The following ALKBH6 variants were observed in gnomAD, a reference collection of about 807,000 sequenced individuals.
ALKBH6 encodes the protein alkB homolog 6, nucleotide demethylase.
A neutral mutation model predicts 25.1 loss-of-function variants in ALKBH6; 20 were observed. The observed-to-expected ratio is 0.80, with a 90% CI of 0.56 to 1.16. The LOEUF is 1.16. Among genes scored for constraint, ALKBH6 ranks in the 50% most tolerant of loss-of-function variants. ALKBH6 has a pLI of 0.00. For missense variants in ALKBH6, 263 were observed against 326.5 expected (o/e 0.81, Z 1.50); for synonymous variants, 156 against 147.5 (o/e 1.06, Z -0.42).
At chr19:36,011,361 C>T (rs1196883176) in intron 4 of ALKBH6, 43 bp downstream of exon 4, 1 of 1,605,618 alleles carries the variant, frequency 6.2e-7, no homozygotes, top group Admixed American at 1.7e-5. Flanking sequence ...CTGCCCCAGC[C>T]TACATCCCAG....
intron 6 of ALKBH6, 52 bp from the exon 7 acceptor site, chr19:36,009,605 T>TGGGCTCATGATGGGGGGGGGGGGGGGG: frequency 7.6e-6 from 1 of 132,198 alleles, no homozygotes; most frequent in Non-Finnish European, 1.2e-5. Context: ...GGGGTGGGGG[T>TGGGCTCATGATGGGGGGGGGGGGGGGG]GGGCGAGAGG....
Position 36,009,477 on chromosome 19 carries a change from T to A in ALKBH6, c.530A>T (p.Tyr177Phe). 2 of 1,248,434 alleles carry A rather than the reference T, an allele frequency of 1.6e-6. No homozygotes were observed. Among genetic ancestry groups the A allele is most frequent in the Non-Finnish European group, 2.0e-6 (2 of 998,422 alleles). 77.3% of individuals were successfully genotyped at this position (1,248,434 alleles called of 1,614,324 possible). Residue 177 changes from tyrosine (Y) to phenylalanine (F), a missense_variant, in exon 7 of 7, where the codon TAC (tyrosine) becomes TTC (phenylalanine). Tyr to Phe is a conservative substitution (Grantham distance 22, BLOSUM62 3). Around this residue, in one of 3 missense-constraint regions of ALKBH6, gnomAD observed 148 missense variants for 157.5 expected, o/e 0.94. Coordinates refer to ENST00000378875, the MANE Select transcript of ALKBH6 (RefSeq NM_032878.5). ...RSLLVLRGPA[Y>F]TRLLHGIAAA... The stretch of plus-strand genomic sequence containing the variant: ...GGCGATGCCGTGGAGAAGACGCGTG[T>A]AGGCGGGGCCGCGGAGCACCAGCAG...
Position 36,010,346 on chromosome 19 carries a change from G to A in ALKBH6, c.453+221C>T, listed in dbSNP as rs1356913999. Reference sequence around the variant, plus strand: ...CAGGGGTATCCATTCAGCAGGTTGGGGCATCGGGGAGCCTGTGAAAATCAT... The same window carrying A: ...CAGGGGTATCCATTCAGCAGGTTGGAGCATCGGGGAGCCTGTGAAAATCAT... On this transcript the variant is annotated intron_variant, in intron 6 of 6. Transcript: ENST00000378875. This position sits in a 1 kb window ranked among gnomAD's most constrained non-coding sequence, Gnocchi z 5.5. The A allele has an allele frequency of 3.4e-6, 2 of 580,474 alleles. No individual in the cohort carries two copies. Among genetic ancestry groups the A allele is most frequent in the African/African-American group, 3.7e-5 (2 of 53,656 alleles). 36.0% of individuals were successfully genotyped at this position (580,474 alleles called of 1,614,324 possible). A position where few individuals can be genotyped will look rare whatever the true frequency, so the allele number is the denominator to read the frequency against.
chr19:36,011,524 C>G, intron 3 of ALKBH6, 60 bp from the exon 4 acceptor site: 3 of 1,579,286 alleles, frequency 1.9e-6, no homozygotes, highest in Non-Finnish European at 2.6e-6. Context: ...ATCCTCCCAC[C>G]TAGACCAACA....
At position 36,013,273 on chromosome 19, in the gene ALKBH6, G is replaced by A. The variant is rs2073895; in HGVS notation, c.54+71C>T. ...CAGTAAGAATGAATTTGGTGGAAGG[G>A]GGCAGTCCCAACCCAAGAACTCAGG... On this transcript the variant is annotated intron_variant, in intron 2 of 6. Transcript: ENST00000378875. The surrounding 1 kb of genome is among the most constrained non-coding windows in gnomAD (Gnocchi z 4.6). The A allele has an allele frequency of 0.017, 26,186 of 1,578,396 alleles. 1,451 individuals carry two copies. The East Asian group carries it at 0.17, about 10-fold the overall frequency.
intron 1 of ALKBH6, 52 bp downstream of exon 1, chr19:36,014,123 C>A (rs1968711432): frequency 6.2e-7 from 1 of 1,607,680 alleles, no homozygotes; most frequent in Admixed American, 1.7e-5. Flanking sequence ...CGGATCCCCA[C>A]TTTCAGCCCT....
intron 1 of ALKBH6, 32 bp downstream of exon 1, chr19:36,014,143 C>A: frequency 6.2e-7 from 1 of 1,610,938 alleles, no homozygotes; most frequent in South Asian, 1.1e-5. Context: ...TATTGACATC[C>A]ATCTCTACCC....
chr19:36,013,708 C>T lies in ALKBH6; in HGVS notation c.-25-286G>A. On this transcript the variant is annotated intron_variant, in intron 1 of 6. Coordinates refer to ENST00000378875, the MANE Select transcript of ALKBH6 (RefSeq NM_032878.5). The surrounding 1 kb of genome is among the most constrained non-coding windows in gnomAD (Gnocchi z 4.6). ...TCCTCCCACAGAGAACATTCTCTGG[C>T]CCCACACACAGGGAGCCTTTCTCAA... 7.7e-7 allele frequency: 1 copy of T among 1,302,048 alleles called. No individual in the cohort carries two copies. Among genetic ancestry groups the T allele is most frequent in the African/African-American group, 1.5e-5 (1 of 66,300 alleles). 80.7% of individuals were successfully genotyped at this position (1,302,048 alleles called of 1,614,324 possible).
At chr19:36,012,875 C>T (rs1968651082) in intron 3 of ALKBH6, 146 bp downstream of exon 3, 6 of 778,290 alleles carry the variant, frequency 7.7e-6, no homozygotes, top group Non-Finnish European at 1.3e-5. Context: ...TGGGCTATCT[C>T]AGTAGAGGGA....
rs936764945 is a variant in ALKBH6 at position 36,010,374 on chromosome 19, C to T, written c.453+193G>A. On this transcript the variant is annotated intron_variant, in intron 6 of 6. Coordinates refer to ENST00000378875, the MANE Select transcript of ALKBH6 (RefSeq NM_032878.5). The surrounding 1 kb of genome is among the most constrained non-coding windows in gnomAD (Gnocchi z 5.5). ...ATCGGGGAGCCTGTGAAAATCATGG[C>T]ATGTGGGACAGACACCCTGTAAGCA... 6.3e-6 allele frequency: 4 copies of T among 631,032 alleles called. No homozygotes were observed. Among genetic ancestry groups the T allele is most frequent in the African/African-American group, 5.5e-5 (3 of 54,948 alleles). The allele number at this position is 631,032 out of a possible 1,614,324, so 39.1% of individuals were successfully genotyped here.
chr19:36,009,334 G>T lies in ALKBH6; in HGVS notation c.673C>A (p.Arg225Ser). The change falls in exon 7 of 7, where the codon CGC (arginine) becomes AGC (serine). Residue 225 changes from arginine (R) to serine (S), a missense_variant. By Grantham distance (110) the Arg-to-Ser change is moderately radical (BLOSUM62 -1). Around this residue, in one of 3 missense-constraint regions of ALKBH6, gnomAD observed 148 missense variants for 157.5 expected, o/e 0.94. Transcript: ENST00000378875. ...CCGGCGCGCAGCACGCGGGGCACGC[G>T]GCGGATGGTCAGCGAGACCCGGGTG... ...RGTRVSLTIR[R>S]VPRVLRAGLL... 1 of 1,351,332 alleles carries T rather than the reference G, an allele frequency of 7.4e-7. No individual in the cohort carries two copies. The highest frequency in any genetic ancestry group is 1.8e-5 in the South Asian group (1 of 56,266). 83.7% of individuals were successfully genotyped at this position (1,351,332 alleles called of 1,614,324 possible).
rs1174428271 is a variant in ALKBH6, at chr19:36,014,130, C to A, written c.-26+45G>T. The A allele has an allele frequency of 1.9e-6, 3 of 1,609,976 alleles. No individual in the cohort carries two copies. In the East Asian group the frequency reaches 6.8e-5, roughly 37 times the overall value. On this transcript the variant is annotated intron_variant, in intron 1 of 6. Coordinates refer to ENST00000378875, the MANE Select transcript of ALKBH6 (RefSeq NM_032878.5). ...GGCTCCCCCGGATCCCCACTTTCAGCCCTATTGACATCCATCTCTACCCCC... is the reference window on the plus strand; with the variant it reads ...GGCTCCCCCGGATCCCCACTTTCAGACCTATTGACATCCATCTCTACCCCC...
At position 36,013,414 on chromosome 19, in the gene ALKBH6, C is replaced by T. The variant is rs1968675341; in HGVS notation, c.-17G>A. On this transcript the variant is annotated 5_prime_UTR_variant, in exon 2 of 7. Coordinates refer to ENST00000378875, the MANE Select transcript of ALKBH6 (RefSeq NM_032878.5). This position sits in a 1 kb window ranked among gnomAD's most constrained non-coding sequence, Gnocchi z 4.6. The stretch of plus-strand genomic sequence containing the variant: ...CTCCTCCATCAACACCAACTCCTTG[C>T]ACCCAATCCTGTAGGGAGGGGAGGA... The T allele has an allele frequency of 6.2e-7, 1 of 1,613,926 alleles. No homozygotes were observed. Among genetic ancestry groups the T allele is most frequent in the Non-Finnish European group, 8.5e-7 (1 of 1,179,910 alleles).
Position 36,013,479 on chromosome 19 carries a change from T to C in ALKBH6, c.-25-57A>G. 1 of 1,606,156 alleles carries C rather than the reference T, an allele frequency of 6.2e-7. No homozygotes were observed. On this transcript the variant is annotated intron_variant, in intron 1 of 6. Coordinates refer to ENST00000378875, the MANE Select transcript of ALKBH6 (RefSeq NM_032878.5). This position sits in a 1 kb window ranked among gnomAD's most constrained non-coding sequence, Gnocchi z 4.6. Reference sequence around the variant, plus strand: ...TAGGCCTCCCGCCCTAACACCATGATGCAGCATTCCACCCCATCACAGGCC... The same window carrying C: ...TAGGCCTCCCGCCCTAACACCATGACGCAGCATTCCACCCCATCACAGGCC...
In ALKBH6 at chr19:36,010,866, G is replaced by A. The variant is rs1968587758; in HGVS notation, c.336+28C>T. ...AGCACAGCTCAGAAGTCTGAGTGGG[G>A]GGACACGGGCCGAGGGTGTGTGGTT... On this transcript the variant is annotated intron_variant, in intron 5 of 6. Transcript: ENST00000378875. This position sits in a 1 kb window ranked among gnomAD's most constrained non-coding sequence, Gnocchi z 5.5. The A allele has an allele frequency of 6.2e-7, 1 of 1,612,794 alleles. No individual in the cohort carries two copies. Among genetic ancestry groups the A allele is most frequent in the African/African-American group, 1.3e-5 (1 of 74,670 alleles).
In ALKBH6 at chr19:36,013,774, C is replaced by T; in HGVS notation, c.-25-352G>A. On this transcript the variant is annotated intron_variant, in intron 1 of 6. Coordinates refer to ENST00000378875, the MANE Select transcript of ALKBH6 (RefSeq NM_032878.5). This position sits in a 1 kb window ranked among gnomAD's most constrained non-coding sequence, Gnocchi z 4.6. ...CCCCCAGGGCTGCACTCCAGAGCCC[C>T]TTTAAACACCTTGAGACCCCGCTTC... 1.6e-6 allele frequency: 2 copies of T among 1,275,318 alleles called. No individual in the cohort carries two copies. The highest frequency in any genetic ancestry group is 1.5e-5 in the African/African-American group (1 of 64,946). The allele number at this position is 1,275,318 out of a possible 1,614,324, so 79.0% of individuals were successfully genotyped here.
Position 36,010,170 on chromosome 19 carries a change from T to TG in ALKBH6, c.453+396dup, listed in dbSNP as rs1317000240. On this transcript the variant is annotated intron_variant, in intron 6 of 6. Coordinates refer to ENST00000378875, the MANE Select transcript of ALKBH6 (RefSeq NM_032878.5). The surrounding 1 kb of genome is among the most constrained non-coding windows in gnomAD (Gnocchi z 5.5). ...TTGTGTCAAGGGGTCAAGGAGAATC[T>TG]GGGGGTGTCCTGCACCCCAAATCAC... is the stretch of plus-strand genomic sequence containing the variant. 4.8e-6 allele frequency: 1 copy of TG among 207,776 alleles called. No individual in the cohort carries two copies. The highest frequency in any genetic ancestry group is 9.7e-6 in the Non-Finnish European group (1 of 103,376). The allele number at this position is 207,776 out of a possible 1,614,324, so 12.9% of individuals were successfully genotyped here. A position where few individuals can be genotyped will look rare whatever the true frequency, so the allele number is the denominator to read the frequency against.
intron 3 of ALKBH6, 183 bp from the exon 4 acceptor site, chr19:36,011,647 T>A: frequency 1.6e-6 from 1 of 609,212 alleles, no homozygotes; most frequent in Non-Finnish European, 2.9e-6. Context: ...GGAACGCCTT[T>A]GGCCCCAAAG....
chr19:36,011,267 C>T, intron 4 of ALKBH6, 137 bp downstream of exon 4: 1 of 1,193,714 alleles, frequency 8.4e-7, no homozygotes, highest in Non-Finnish European at 1.2e-6. Context: ...CCTCCACTGA[C>T]CCCTTCAGAA....
Sources: allele counts gnomAD v4.1 joint callset, GRCh38; gene constraint gnomAD v4.1.1; regional missense constraint gnomAD v4.1.1; non-coding constraint Gnocchi (gnomAD v3.1); transcripts MANE v1.5; gene names NCBI Gene and HGNC (gene_info 2026-07-23, HGNC 2026-07-21).